The following CTNND2 variants were observed in gnomAD, a reference collection of about 807,000 sequenced individuals.
CTNND2 encodes catenin delta-2.
In CTNND2, 22 loss-of-function variants were observed where a neutral mutation model predicts 144.4. That is an observed-to-expected ratio of 0.15 (90% CI 0.11 to 0.22). The LOEUF (loss-of-function observed/expected upper bound fraction) is 0.22, where lower values mean the gene tolerates loss of function less well. Ranked by LOEUF, CTNND2 falls within the 10% of genes least tolerant of loss-of-function variation. CTNND2 has a pLI of 1.00. For synonymous variants in CTNND2, 751 were observed against 695.6 expected (o/e 1.08, Z -1.25); for missense variants, 1,353 against 1,618.8 (o/e 0.84, Z 2.82).
intron 1 of CTNND2, among the ~76,000 whole-genome samples, chr5:11,780,234 T>C (rs144357700): frequency 1.3e-5 from 2 of 152,246 alleles, no homozygotes; most frequent in Non-Finnish European, 2.9e-5. Context: ...CCTCTGCTCT[T>C]TGCCACCCAA....
chr5:11,275,226 C>T (rs971013000), intron 9 of CTNND2, among the ~76,000 whole-genome samples: 1 of 152,104 alleles, frequency 6.6e-6, no homozygotes, highest in Non-Finnish European at 1.5e-5. Flanking sequence ...GATGGGGAAA[C>T]TGAGTCACAA....
intron 3 of CTNND2, among the ~76,000 whole-genome samples, chr5:11,498,786 A>G (rs1345778252): frequency 1.3e-5 from 2 of 152,224 alleles, no homozygotes; most frequent in Admixed American, 1.3e-4. Flanking sequence ...TTTTTAAAGC[A>G]TATCTTTTAA....
chr5:11,871,756 G>A (rs564263085), intron 1 of CTNND2, among the ~76,000 whole-genome samples: 173 of 152,218 alleles, frequency 1.1e-3, no homozygotes, highest in African/African-American at 3.7e-3. Context: ...AACTTATTGT[G>A]AGACTTGAGA....
intron 10 of CTNND2, among the ~76,000 whole-genome samples, chr5:11,214,499 G>A (rs1349055354): frequency 6.6e-6 from 1 of 152,146 alleles, no homozygotes; most frequent in Non-Finnish European, 1.5e-5. Flanking sequence ...GACTAATAAC[G>A]AAGCAGGGCC....
At chr5:11,622,613 T>G (rs1345202550) in intron 2 of CTNND2, among the ~76,000 whole-genome samples, 3 of 152,128 alleles carry the variant, frequency 2.0e-5, no homozygotes, top group African/African-American at 7.2e-5. Flanking sequence ...ATGATCAGAT[T>G]GACTATAGCT....
At chr5:11,073,316 C>T (rs1748553180) in intron 16 of CTNND2, among the ~76,000 whole-genome samples, 2 of 152,168 alleles carry the variant, frequency 1.3e-5, no homozygotes, top group Admixed American at 1.3e-4. Context: ...AGAGCCATTT[C>T]ATTTCTCATG....
At chr5:11,129,019 TA>T (rs1561351623) in intron 12 of CTNND2, among the ~76,000 whole-genome samples, 42 of 27,962 alleles carry the variant, frequency 1.5e-3, no homozygotes, top group Non-Finnish European at 2.1e-3. Flanking sequence ...ATATTATATA[TA>T]AATAAAAAAT....
At chr5:11,866,440 G>A (rs1346704098) in intron 1 of CTNND2, among the ~76,000 whole-genome samples, 3 of 152,238 alleles carry the variant, frequency 2.0e-5, no homozygotes, top group Non-Finnish European at 2.9e-5. Flanking sequence ...TTGGTTAAGA[G>A]GAAGCCTGAG....
intron 3 of CTNND2, among the ~76,000 whole-genome samples, chr5:11,449,177 A>G (rs1765094959): frequency 6.6e-6 from 1 of 152,180 alleles, no homozygotes; most frequent in South Asian, 2.1e-4. Flanking sequence ...ATATAAATAA[A>G]TGTTTTTCAT....
intron 9 of CTNND2, among the ~76,000 whole-genome samples, chr5:11,237,574 C>T (rs1164153610): frequency 6.6e-6 from 1 of 151,948 alleles, no homozygotes; most frequent in Non-Finnish European, 1.5e-5. Flanking sequence ...AATTATAGCT[C>T]ACCGCAGCCT....
chr5:11,687,699 AG>A (rs1784719601), intron 2 of CTNND2, among the ~76,000 whole-genome samples: 1 of 152,208 alleles, frequency 6.6e-6, no homozygotes, highest in African/African-American at 2.4e-5. Flanking sequence ...ACTTCACAAG[AG>A]GGGAAAAATC....
At chr5:11,290,914 T>A (rs1037371030) in intron 9 of CTNND2, among the ~76,000 whole-genome samples, 2 of 152,194 alleles carry the variant, frequency 1.3e-5, no homozygotes, top group Admixed American at 6.5e-5. Flanking sequence ...GCTGGCTTTG[T>A]GAAGTTTAAT....
chr5:11,810,370 T>C (rs941551691), intron 1 of CTNND2, among the ~76,000 whole-genome samples: 8 of 152,180 alleles, frequency 5.3e-5, no homozygotes, highest in African/African-American at 1.9e-4. Flanking sequence ...ATATTCATAA[T>C]TTTTTCAAGG....
At chr5:11,368,561 T>C (rs979957737) in intron 7 of CTNND2, among the ~76,000 whole-genome samples, 3 of 152,228 alleles carry the variant, frequency 2.0e-5, no homozygotes, top group African/African-American at 7.2e-5. Context: ...TCCTTGGCTC[T>C]CATTTCCATG....
intron 16 of CTNND2, among the ~76,000 whole-genome samples, chr5:11,030,754 G>GTTTTTTTTTTTTTTTTTTTTTTTTT (rs61312361): frequency 4.0e-5 from 4 of 100,766 alleles, no homozygotes; most frequent in Admixed American, 9.8e-5. Context: ...TATGGTTTCT[G>GTTTTTTTTTTTTTTTTTTTTTTTTT]TTTTTTTTTT....
intron 3 of CTNND2, among the ~76,000 whole-genome samples, chr5:11,426,453 A>G (rs1762784151): frequency 6.6e-6 from 1 of 152,156 alleles, no homozygotes; most frequent in Non-Finnish European, 1.5e-5. Context: ...GGACAACTCT[A>G]TCTTTGAGCT....
At chr5:11,811,149 A>G (rs1312199317) in intron 1 of CTNND2, among the ~76,000 whole-genome samples, 2 of 152,210 alleles carry the variant, frequency 1.3e-5, no homozygotes, top group African/African-American at 4.8e-5. Flanking sequence ...TGCTGAGGAA[A>G]CTGAGGCCTG....
At position 11,096,338 on chromosome 5, in the gene CTNND2, C is replaced by T. The variant is rs562938694; in HGVS notation, c.2637+2237G>A. Among the ~76,000 whole-genome samples, 62 of 152,176 alleles carry T rather than the reference C, an allele frequency of 4.1e-4. No individual in the cohort carries two copies. In the South Asian group the frequency reaches 6.9e-3, roughly 17 times the overall value. On this transcript the variant is annotated intron_variant, in intron 15 of 21. Coordinates refer to ENST00000304623, the MANE Select transcript of CTNND2 (RefSeq NM_001332.4). The stretch of plus-strand genomic sequence containing the variant: ...CTAGCCCCCCACCCCTGCCAGGCCC[C>T]GGTGTGTGATGTTCTCCTCCCTGTT...
chr5:11,830,198 A>C (rs1292315840), intron 1 of CTNND2, among the ~76,000 whole-genome samples: 1 of 152,176 alleles, frequency 6.6e-6, no homozygotes, highest in Non-Finnish European at 1.5e-5. Context: ...GAGACTTTGA[A>C]CTGTGGACTT....
Sources: allele counts gnomAD v4.1 joint callset (sites outside exome capture counted in the v4.1 genomes callset), GRCh38; gene constraint gnomAD v4.1.1; transcripts MANE v1.5; gene names NCBI Gene and HGNC (gene_info 2026-07-23, HGNC 2026-07-21).